SCHIP1: variants seen among roughly 807,000 people sequenced by gnomAD.
The protein encoded by SCHIP1 is schwannomin interacting protein 1, also known as schwannomin-interacting protein 1.
SCHIP1 carries 8 observed loss-of-function variants against 29.7 expected under a neutral mutation model. The observed-to-expected ratio is 0.27, with a 90% CI of 0.16 to 0.49. SCHIP1 has a LOEUF of 0.49. SCHIP1 is among the 20% of genes least tolerant of loss of function. The pLI is 0.99. For synonymous variants in SCHIP1, 76 were observed against 94.9 expected (o/e 0.80, Z 1.16); for missense variants, 193 against 294.6 (o/e 0.66, Z 2.52).
the SCHIP1 span, among the ~76,000 whole-genome samples, chr3:159,505,246 A>C: frequency 2.0e-5 from 3 of 152,168 alleles, no homozygotes; most frequent in African/African-American, 4.8e-5. Context: ...AATGTACGTC[A>C]GCCTGCTTAA....
the SCHIP1 span, among the ~76,000 whole-genome samples, chr3:159,510,523 C>G: frequency 2.6e-5 from 4 of 152,176 alleles, no homozygotes; most frequent in African/African-American, 9.7e-5. Flanking sequence ...AGCTGCGTTC[C>G]TTTGGAGGAG....
chr3:159,729,870 C>T, the SCHIP1 span, among the ~76,000 whole-genome samples: 1 of 152,122 alleles, frequency 6.6e-6, no homozygotes, highest in Non-Finnish European at 1.5e-5. Flanking sequence ...GAATGTACAT[C>T]AATAAGACAC....
At chr3:159,860,564 G>A (rs917309172) in intron 1 of SCHIP1, among the ~76,000 whole-genome samples, 42 of 152,306 alleles carry the variant, frequency 2.8e-4, no homozygotes, top group African/African-American at 8.7e-4. Flanking sequence ...CTGAGACAGT[G>A]AGCATTATAA....
chr3:159,774,527 A>G, the SCHIP1 span, among the ~76,000 whole-genome samples: 1 of 151,910 alleles, frequency 6.6e-6, no homozygotes, highest in Admixed American at 6.6e-5. Context: ...CCACTGACCG[A>G]TTTTTCAATA....
chr3:159,557,769 A>G, the SCHIP1 span, among the ~76,000 whole-genome samples: 1 of 152,258 alleles, frequency 6.6e-6, no homozygotes, highest in Admixed American at 6.5e-5. Flanking sequence ...CTGCAGTAAT[A>G]TGCTTCTAAG....
the SCHIP1 span, among the ~76,000 whole-genome samples, chr3:159,717,182 A>G: frequency 1.3e-5 from 2 of 152,190 alleles, no homozygotes; most frequent in South Asian, 2.1e-4. Flanking sequence ...TTTGAAACCA[A>G]TGATAACAAA....
the SCHIP1 span, among the ~76,000 whole-genome samples, chr3:159,559,277 T>G: frequency 1.3e-5 from 2 of 152,320 alleles, no homozygotes; most frequent in Admixed American, 1.3e-4. Context: ...CAAATTTCTT[T>G]CCCATTAGTA....
At chr3:159,329,116 G>C in the SCHIP1 span, among the ~76,000 whole-genome samples, 1,697 of 152,150 alleles carry the variant, frequency 0.011, 19 homozygotes, top group South Asian at 0.033. Flanking sequence ...TTAGAGCAGG[G>C]AGTGGGCCTG....
At chr3:159,376,254 C>G in the SCHIP1 span, among the ~76,000 whole-genome samples, 1 of 152,166 alleles carries the variant, frequency 6.6e-6, no homozygotes, top group Non-Finnish European at 1.5e-5. Flanking sequence ...ATCCAGCATA[C>G]AGCTTTTCAT....
the SCHIP1 span, among the ~76,000 whole-genome samples, chr3:159,484,891 T>A: frequency 6.6e-6 from 1 of 152,170 alleles, no homozygotes; most frequent in Non-Finnish European, 1.5e-5. Context: ...TTAAGAAAGA[T>A]AATGTTTAGT....
At chr3:159,592,702 T>C in the SCHIP1 span, among the ~76,000 whole-genome samples, 1 of 152,204 alleles carries the variant, frequency 6.6e-6, no homozygotes, top group East Asian at 1.9e-4. Flanking sequence ...TGGCTCCCTC[T>C]ACTTTGTTCA....
chr3:159,282,078 A>T, the SCHIP1 span, among the ~76,000 whole-genome samples: 4 of 152,126 alleles, frequency 2.6e-5, no homozygotes, highest in African/African-American at 9.6e-5. Context: ...TAGACATATA[A>T]TTTATTGAAC....
the SCHIP1 span, among the ~76,000 whole-genome samples, chr3:159,529,078 T>C: frequency 3.9e-5 from 6 of 152,300 alleles, no homozygotes; most frequent in South Asian, 1.2e-3. Flanking sequence ...ATATAGATAA[T>C]GTATATAATA....
the SCHIP1 span, among the ~76,000 whole-genome samples, chr3:159,475,151 T>C: frequency 1.3e-5 from 2 of 152,124 alleles, no homozygotes; most frequent in Non-Finnish European, 2.9e-5. Context: ...GCAGCATTAC[T>C]CATGGACAGA....
chr3:159,576,523 C>A, the SCHIP1 span, among the ~76,000 whole-genome samples: 13 of 152,028 alleles, frequency 8.6e-5, no homozygotes, highest in Non-Finnish European at 1.8e-4. Context: ...TAATTTTGAG[C>A]CTCTAGTCAT....
the SCHIP1 span, among the ~76,000 whole-genome samples, chr3:159,307,591 T>G: frequency 3.3e-5 from 5 of 152,162 alleles, no homozygotes; most frequent in Admixed American, 2.6e-4. Flanking sequence ...CACTTGTCTA[T>G]TTTTGTTTTT....
chr3:159,414,057 G>A, the SCHIP1 span, among the ~76,000 whole-genome samples: 3 of 152,150 alleles, frequency 2.0e-5, no homozygotes, highest in African/African-American at 2.4e-5. Context: ...GGCGTTATGT[G>A]AACCAACATT....
At chr3:159,575,011 G>A in the SCHIP1 span, among the ~76,000 whole-genome samples, 7 of 151,988 alleles carry the variant, frequency 4.6e-5, no homozygotes, top group African/African-American at 7.2e-5. Context: ...AGTCTGTCAC[G>A]GCTTCCCTTG....
At chr3:159,368,737 A>G in the SCHIP1 span, among the ~76,000 whole-genome samples, 1 of 149,434 alleles carries the variant, frequency 6.7e-6, no homozygotes, top group Non-Finnish European at 1.5e-5. Flanking sequence ...AGATAGGGGT[A>G]GAGAAATGAT....
Sources: gnomAD v4.1 joint callset for allele counts (sites outside exome capture counted in the v4.1 genomes callset) on GRCh38, gnomAD v4.1.1 for gene constraint, MANE v1.5 for transcripts, NCBI Gene and HGNC (gene_info 2026-07-23, HGNC 2026-07-21) for gene names.